Variants in ADCY1 observed in about 807,000 individuals in gnomAD.
ADCY1 encodes the protein adenylate cyclase 1, also known as adenylate cyclase type 1.
Under a neutral mutation model 105.4 loss-of-function variants are expected in ADCY1, and 28 were observed. That is an observed-to-expected ratio of 0.27 (90% CI 0.20 to 0.36). The LOEUF (loss-of-function observed/expected upper bound fraction) is 0.36. Among genes scored for constraint, ADCY1 ranks in the 10% least tolerant of loss-of-function variants. ADCY1 has a pLI of 1.00. For missense variants in ADCY1, 977 were observed against 1,434.2 expected (o/e 0.68, Z 5.15); for synonymous variants, 655 against 623.8 (o/e 1.05, Z -0.75).
At chr7:45,638,508 G>C (rs1489393222) in intron 4 of ADCY1, among the ~76,000 whole-genome samples, 1 of 123,702 alleles carries the variant, frequency 8.1e-6, no homozygotes, top group Non-Finnish European at 1.7e-5. Flanking sequence ...TGTATTACTT[G>C]TTTGGTTTTT....
chr7:45,722,912 G>A lies in ADCY1; in HGVS notation c.*8917G>A, dbSNP rs972407430. The A allele has an allele frequency of 6.6e-6, 1 of 152,408 alleles. No individual in the cohort carries two copies. The highest frequency in any genetic ancestry group is 1.5e-5 in the Non-Finnish European group (1 of 68,006). 9.4% of individuals were successfully genotyped at this position (152,408 alleles called of 1,614,324 possible). ...TTTTTATGTCAACTGAACACTGTAG[G>A]GTACCTTCCAGTCTTTTTCAAGATT... On this transcript the variant is annotated 3_prime_UTR_variant, in exon 20 of 20. Coordinates refer to ENST00000297323, the MANE Select transcript of ADCY1 (RefSeq NM_021116.4).
In ADCY1 at chr7:45,685,896, G is replaced by A. The variant is rs1180898810; in HGVS notation, c.2074-66G>A. On this transcript the variant is annotated intron_variant, in intron 12 of 19. Coordinates refer to ENST00000297323, the MANE Select transcript of ADCY1 (RefSeq NM_021116.4). ...GACCTGCTTGAAGAGGGACACCTGA[G>A]CATGCTTAGGGGCTGCAGGTCTTCA... is the stretch of plus-strand genomic sequence containing the variant. 2.0e-6 allele frequency: 3 copies of A among 1,538,362 alleles called. No individual in the cohort carries two copies. The South Asian group carries it at 3.8e-5, about 19-fold the overall frequency.
At chr7:45,609,778 G>T (rs1793480935) in intron 2 of ADCY1, among the ~76,000 whole-genome samples, 2 of 152,138 alleles carry the variant, frequency 1.3e-5, no homozygotes, top group Non-Finnish European at 2.9e-5. Flanking sequence ...GGAAACTGAG[G>T]TCTAGGAAGG....
rs1784522128 is a variant in ADCY1, at chr7:45,679,779, A to G, written c.1969A>G (p.Ile657Val). The change falls in exon 11 of 20, where the codon ATC becomes GTC. Residue 657 changes from isoleucine to valine, a missense_variant. Physicochemically the swap from Ile to Val is conservative, Grantham distance 29. Coordinates refer to ENST00000297323, the MANE Select transcript of ADCY1 (RefSeq NM_021116.4). ...FLVACVLYLH[I>V]TRVQCFPGCL... The stretch of plus-strand genomic sequence containing the variant: ...GGTGGCCTGTGTCCTGTACCTGCAC[A>G]TCACCCGGGTCCAGGTATGTGGGTG... 1.2e-6 allele frequency: 2 copies of G among 1,614,086 alleles called. No individual in the cohort carries two copies.
chr7:45,715,828 GC>G lies in ADCY1; in HGVS notation c.*1837del. 6.5e-6 allele frequency: 1 copy of G among 152,814 alleles called. No individual in the cohort carries two copies. Among genetic ancestry groups the G allele is most frequent in the Non-Finnish European group, 1.5e-5 (1 of 68,416 alleles). 9.5% of individuals were successfully genotyped at this position (152,814 alleles called of 1,614,324 possible). ...AGGCGGGTAGAGGCTGCATGTGGGG[GC>G]CCCTGTCTGCCTGTCCTTAGGGTGT... On this transcript the variant is annotated 3_prime_UTR_variant, in exon 20 of 20. Transcript: ENST00000297323.
At chr7:45,587,978 A>C (rs1792782128) in intron 1 of ADCY1, among the ~76,000 whole-genome samples, 1 of 152,220 alleles carries the variant, frequency 6.6e-6, no homozygotes, top group Non-Finnish European at 1.5e-5. Flanking sequence ...CTGAGCCCAT[A>C]CTGAAGGAGT....
At chr7:45,702,894 C>T (rs1020224699) in intron 14 of ADCY1, among the ~76,000 whole-genome samples, 20 of 152,208 alleles carry the variant, frequency 1.3e-4, no homozygotes, top group African/African-American at 3.9e-4. Flanking sequence ...GCCTCAATGC[C>T]CAGAGGGATG....
chr7:45,632,072 A>G (rs1236675323), intron 4 of ADCY1, among the ~76,000 whole-genome samples: 1 of 152,202 alleles, frequency 6.6e-6, no homozygotes, highest in African/African-American at 2.4e-5. Flanking sequence ...TGAAAAGACT[A>G]TCATTTCTCT....
intron 7 of ADCY1, among the ~76,000 whole-genome samples, chr7:45,661,030 G>T (rs142307174): frequency 3.0e-4 from 46 of 152,080 alleles, no homozygotes; most frequent in African/African-American, 1.1e-3. Context: ...AGGGGTTCAG[G>T]CTCAGGGGAG....
intron 4 of ADCY1, among the ~76,000 whole-genome samples, chr7:45,635,601 GTTTTTTTT>G (rs71030884): frequency 5.2e-5 from 3 of 57,200 alleles, no homozygotes; most frequent in Non-Finnish European, 7.1e-5. Context: ...AATTTCTCTT[GTTTTTTTT>G]TTTTTTTTTT....
chr7:45,630,796 C>T (rs748955968), intron 4 of ADCY1, among the ~76,000 whole-genome samples: 5 of 152,094 alleles, frequency 3.3e-5, no homozygotes, highest in African/African-American at 4.8e-5. Flanking sequence ...TAATTTATTA[C>T]ATTAGAAAGA....
chr7:45,574,592 G>A lies in ADCY1; in HGVS notation c.49G>A (p.Glu17Lys), dbSNP rs932221184. The A allele has an allele frequency of 4.7e-6, 5 of 1,068,418 alleles. No homozygotes were observed. Among genetic ancestry groups the A allele is most frequent in the Non-Finnish European group, 5.6e-6 (5 of 885,504 alleles). 66.2% of individuals were successfully genotyped at this position (1,068,418 alleles called of 1,614,324 possible). ...GGGGGGGGAG[E>K]PGGAERAAGT... ...AGGCGGCGGCGGAGGCGGCGCGGGC[G>A]AGCCCGGGGGCGCCGAGCGGGCGGC... The change falls in exon 1 of 20, where the codon GAG becomes AAG. Residue 17 changes from glutamate to lysine, a missense_variant. Glu to Lys is a moderately conservative substitution (Grantham distance 56). Around this residue, in one of 7 missense-constraint regions of ADCY1, gnomAD observed 209 missense variants for 222.5 expected, o/e 0.94. Coordinates refer to ENST00000297323, the MANE Select transcript of ADCY1 (RefSeq NM_021116.4). The surrounding 1 kb of genome is among the most constrained non-coding windows in gnomAD (Gnocchi z 7.0).
chr7:45,645,157 T>C (rs1794625528), intron 4 of ADCY1, among the ~76,000 whole-genome samples: 1 of 152,148 alleles, frequency 6.6e-6, no homozygotes, highest in African/African-American at 2.4e-5. Context: ...CATGACCATG[T>C]GCATGTGGAT....
rs887583275 is a variant in ADCY1 at position 45,714,324 on chromosome 7, A to G, written c.*329A>G. 8.5e-6 allele frequency: 3 copies of G among 352,584 alleles called. No individual in the cohort carries two copies. Among genetic ancestry groups the G allele is most frequent in the African/African-American group, 6.1e-5 (3 of 48,946 alleles). 21.8% of individuals were successfully genotyped at this position (352,584 alleles called of 1,614,324 possible). ...CCTGTTCAGGTTTGGCCAGGTCGGC[A>G]TCAATGTAAGGACCTTCAGAGCATC... On this transcript the variant is annotated 3_prime_UTR_variant, in exon 20 of 20. Coordinates refer to ENST00000297323, the MANE Select transcript of ADCY1 (RefSeq NM_021116.4).
chr7:45,631,089 A>C (rs1365603660), intron 4 of ADCY1, among the ~76,000 whole-genome samples: 1 of 152,220 alleles, frequency 6.6e-6, no homozygotes, highest in African/African-American at 2.4e-5. Context: ...CAAGGTTTAC[A>C]CTCAATATAT....
intron 2 of ADCY1, among the ~76,000 whole-genome samples, chr7:45,601,062 A>G (rs1196698804): frequency 6.6e-6 from 1 of 152,204 alleles, no homozygotes; most frequent in Non-Finnish European, 1.5e-5. Flanking sequence ...CGAGTGTATG[A>G]TTTAAAAATA....
chr7:45,687,252 G>C (rs533367515), intron 14 of ADCY1, among the ~76,000 whole-genome samples: 4 of 152,358 alleles, frequency 2.6e-5, no homozygotes, highest in Admixed American at 1.3e-4. Context: ...CTGGGTACCA[G>C]GCTGGAGAGG....
At chr7:45,601,059 A>G (rs1051476465) in intron 2 of ADCY1, among the ~76,000 whole-genome samples, 2 of 152,330 alleles carry the variant, frequency 1.3e-5, no homozygotes, top group Non-Finnish European at 2.9e-5. Flanking sequence ...AGTCGAGTGT[A>G]TGATTTAAAA....
intron 4 of ADCY1, among the ~76,000 whole-genome samples, chr7:45,634,425 G>GTT (rs35387539): frequency 9.5e-5 from 13 of 136,668 alleles, no homozygotes; most frequent in African/African-American, 1.9e-4. Context: ...AGTTTGCTGA[G>GTT]TTTTTTTTTT....
Sources: gnomAD v4.1 joint callset for allele counts (sites outside exome capture counted in the v4.1 genomes callset) on GRCh38, gnomAD v4.1.1 for gene constraint, gnomAD v4.1.1 regional missense constraint, Gnocchi (gnomAD v3.1) non-coding constraint, MANE v1.5 for transcripts, NCBI Gene and HGNC (gene_info 2026-07-23, HGNC 2026-07-21) for gene names.